The following ITGB2 variants were observed in gnomAD, a reference collection of about 807,000 sequenced individuals.
ITGB2 encodes the protein integrin subunit beta 2, also known as integrin beta-2.
A neutral mutation model predicts 86.8 loss-of-function variants in ITGB2; 56 were observed. The observed-to-expected ratio is 0.65, with a 90% CI of 0.52 to 0.81. The LOEUF (loss-of-function observed/expected upper bound fraction) is 0.81. Ranked by LOEUF, ITGB2 falls within the 30% of genes least tolerant of loss-of-function variation. The pLI is 0.00. For synonymous variants in ITGB2, 457 were observed against 450.4 expected, an observed-to-expected ratio of 1.01 and a Z score of -0.19; for missense variants, 948 against 1,061.2, an observed-to-expected ratio of 0.89 and a Z score of 1.48.
In ITGB2 at chr21:44,888,921, G is replaced by A. The variant is rs200741078; in HGVS notation, c.1878-26C>T. ...CTGCGGGGAGCCAGGTGTGAGCATC[G>A]GTGCCAGGGTGTGCGGGGGCTCCGG... On this transcript the variant is annotated intron_variant, in intron 13 of 15. Transcript: ENST00000652462. 6.1e-5 allele frequency: 97 copies of A among 1,596,330 alleles called. 1 individual carries two copies. The African/African-American group carries it at 1.1e-3, about 18-fold the overall frequency.
At position 44,888,772 on chromosome 21, in the gene ITGB2, T is replaced by A. The variant is rs145972042; in HGVS notation, c.2001A>T (p.Ser667=). Residue 667 remains serine, a synonymous_variant, in exon 14 of 16, where the codon TCA becomes TCT. Coordinates refer to ENST00000652462, the MANE Select transcript of ITGB2 (RefSeq NM_000211.5). The stretch of plus-strand genomic sequence containing the variant: ...GCGTGTAGGCCACCCAGCAGCCCTC[T>A]GAGTCCCTCTCCTTGCAGGTCCTGC... ...VKGRTCKERD[S]EGCWVAYTLE... 3 of 1,612,012 alleles carry A rather than the reference T, an allele frequency of 1.9e-6. No homozygotes were observed. In the African/African-American group the frequency reaches 4.0e-5, roughly 22 times the overall value.
chr21:44,903,184 G>C (rs2083990621), intron 5 of ITGB2, among the ~76,000 whole-genome samples, 181 bp downstream of exon 5: 1 of 152,202 alleles, frequency 6.6e-6, no homozygotes, highest in Non-Finnish European at 1.5e-5. Flanking sequence ...CAGGGACTGG[G>C]TGTGGCCCCT....
chr21:44,904,265 ACCCTGGGAGAAAGGGTATGTGC>A (rs974525292), intron 4 of ITGB2, among the ~76,000 whole-genome samples: 1 of 151,972 alleles, frequency 6.6e-6, no homozygotes, highest in Non-Finnish European at 1.5e-5. Context: ...CTGCTGCCAC[ACCCTGGGAGAAAGGGTATGTGC>A]CCCTCCTCAC....
chr21:44,906,518 G>T (rs1307006544), intron 4 of ITGB2, among the ~76,000 whole-genome samples: 1 of 152,206 alleles, frequency 6.6e-6, no homozygotes, highest in Non-Finnish European at 1.5e-5. Context: ...GGCAACACTG[G>T]TTTAAACAGT....
intron 14 of ITGB2, 62 bp from the exon 15 acceptor site, chr21:44,886,964 A>G (rs1030431120): frequency 6.3e-7 from 1 of 1,596,768 alleles, no homozygotes. Flanking sequence ...CCGTGTGCCC[A>G]CAGGTCCGAG....
At position 44,888,798 on chromosome 21, in the gene ITGB2, C is replaced by G. The variant is rs767506599; in HGVS notation, c.1975G>C (p.Gly659Arg). ...GLQLSNNPVKGRTCKERDSEG... is the reference protein window; with the variant it reads ...GLQLSNNPVKRRTCKERDSEG... ...GAGTCCCTCTCCTTGCAGGTCCTGC[C>G]CTTCACGGGGTTGTTCGACAGCTGC... Residue 659 changes from glycine (G) to arginine (R), a missense_variant, in exon 14 of 16, where the codon GGC becomes CGC. Physicochemically the swap from Gly to Arg is moderately radical, Grantham distance 125. Coordinates refer to ENST00000652462, the MANE Select transcript of ITGB2 (RefSeq NM_000211.5). 1 of 1,612,014 alleles carries G rather than the reference C, an allele frequency of 6.2e-7. No homozygotes were observed. Among genetic ancestry groups the G allele is most frequent in the South Asian group, 1.1e-5 (1 of 91,090 alleles).
At chr21:44,922,551 T>C (rs1306967552), upstream of ITGB2, among the ~76,000 whole-genome samples, 1 of 151,048 alleles carries the variant, frequency 6.6e-6, no homozygotes, top group Non-Finnish European at 1.5e-5. Flanking sequence ...GCACGCGATA[T>C]GGTCCAGGCT....
At chr21:44,902,180 A>C (rs933894960) in intron 5 of ITGB2, among the ~76,000 whole-genome samples, 5 of 152,192 alleles carry the variant, frequency 3.3e-5, no homozygotes, top group Non-Finnish European at 7.3e-5. Flanking sequence ...GACCAGGTAC[A>C]TATGTGGGCA....
chr21:44,894,572 G>A (rs1199795459), intron 9 of ITGB2: 1 of 332,804 alleles, frequency 3.0e-6, no homozygotes. Flanking sequence ...CAGAGCAAGA[G>A]GAATTCCACC....
Position 44,900,919 on chromosome 21 carries a change from G to A in ITGB2, c.742-444C>T, listed in dbSNP as rs570896531. On this transcript the variant is annotated intron_variant, in intron 6 of 15. Coordinates refer to ENST00000652462, the MANE Select transcript of ITGB2 (RefSeq NM_000211.5). ...TGGCAGGCGCATGTGGGGGCCGTGC[G>A]TGTCCTAGGCTGTGACCTCACACTC... Among the ~76,000 whole-genome samples the A allele has an allele frequency of 1.4e-4, 21 of 152,342 alleles. No homozygotes were observed. The East Asian group carries it at 1.5e-3, about 11-fold the overall frequency.
At chr21:44,927,173 A>C (rs896356076) in intron 1 of ITGB2, among the ~76,000 whole-genome samples, 10 of 152,144 alleles carry the variant, frequency 6.6e-5, no homozygotes, top group Non-Finnish European at 1.5e-4. Context: ...GGGATTCTGG[A>C]AGTTTCCACG....
At chr21:44,886,503 C>T (rs1314923483) in intron 15 of ITGB2, 73 bp from the exon 16 acceptor site, 6 of 1,521,832 alleles carry the variant, frequency 3.9e-6, no homozygotes, top group African/African-American at 1.4e-5. Context: ...CCTGAGGACA[C>T]TCCCCGCATG....
chr21:44,895,846 G>A (rs1425769035), intron 8 of ITGB2, among the ~76,000 whole-genome samples: 5 of 121,420 alleles, frequency 4.1e-5, no homozygotes, highest in African/African-American at 1.9e-4. Flanking sequence ...AAAATAAAAT[G>A]AAATGAAATG....
intron 8 of ITGB2, among the ~76,000 whole-genome samples, chr21:44,898,639 T>C (rs866225364): frequency 6.6e-6 from 1 of 152,368 alleles, no homozygotes; most frequent in African/African-American, 2.4e-5. Context: ...GGTTATCAGC[T>C]GTGCTTCCTT....
intron 3 of ITGB2, among the ~76,000 whole-genome samples, chr21:44,908,795 C>A (rs965005745): frequency 1.3e-5 from 2 of 152,218 alleles, no homozygotes; most frequent in Non-Finnish European, 2.9e-5. Flanking sequence ...TGATTCCAGG[C>A]TGGGGCAAGG....
intron 5 of ITGB2, 139 bp from the exon 6 acceptor site, chr21:44,901,872 GT>G: frequency 1.1e-6 from 1 of 927,202 alleles, no homozygotes; most frequent in Non-Finnish European, 1.6e-6. Flanking sequence ...CATGTGGAGT[GT>G]GTGTGTGAGC....
At chr21:44,905,025 G>T (rs1049370969) in intron 4 of ITGB2, among the ~76,000 whole-genome samples, 7 of 152,246 alleles carry the variant, frequency 4.6e-5, no homozygotes, top group African/African-American at 1.7e-4. Context: ...TTTGGGGGCC[G>T]TGCGGCGTCT....
chr21:44,892,025 GA>G (rs2083793053), intron 10 of ITGB2, 29 bp from the exon 11 acceptor site: 2 of 1,603,798 alleles, frequency 1.2e-6, no homozygotes, highest in Non-Finnish European at 8.5e-7. Context: ...CTCAGGTGGG[GA>G]CCCTCGGTGG....
At chr21:44,889,837 C>G in intron 12 of ITGB2, 141 bp downstream of exon 12, 1 of 1,273,820 alleles carries the variant, frequency 7.9e-7, no homozygotes, top group Non-Finnish European at 1.1e-6. Flanking sequence ...TGCTGACGCC[C>G]GGTGGCTGGG....
Sources: allele counts gnomAD v4.1 joint callset (sites outside exome capture counted in the v4.1 genomes callset), GRCh38; gene constraint gnomAD v4.1.1; transcripts MANE v1.5; gene names NCBI Gene and HGNC (gene_info 2026-07-23, HGNC 2026-07-21).